Variants in ZNF257 observed in about 807,000 individuals in gnomAD.
ZNF257 encodes the protein bone marrow zinc finger 4.
ZNF257 carries 12 observed loss-of-function variants against 11.9 expected under a neutral mutation model. The observed-to-expected ratio is 1.01, with a 90% confidence interval of 0.65 to 1.63. The LOEUF is 1.63. ZNF257 is among the 40% of genes most tolerant of loss of function. ZNF257 has a pLI of 0.00. For synonymous variants in ZNF257, 183 were observed against 222.7 expected (o/e 0.82, Z 1.59); for missense variants, 580 against 665.5 (o/e 0.87, Z 1.41).
chr19:22,060,580 G>C (rs1020891648), intron 1 of ZNF257: 2 of 151,444 alleles, frequency 1.3e-5, no homozygotes, highest in Non-Finnish European at 2.9e-5. Context: ...CCGCCTCCCA[G>C]GTTCAAGCAA....
At chr19:22,062,318 G>GT (rs1410716399) in intron 1 of ZNF257, among the ~76,000 whole-genome samples, 2 of 151,260 alleles carry the variant, frequency 1.3e-5, no homozygotes, top group African/African-American at 4.9e-5. Flanking sequence ...TAGAGACGGG[G>GT]TTTCACCAAA....
chr19:22,059,116 ACT>A (rs748621291), intron 1 of ZNF257, among the ~76,000 whole-genome samples: 1 of 151,488 alleles, frequency 6.6e-6, no homozygotes, highest in Non-Finnish European at 1.5e-5. Flanking sequence ...CCTACATTGC[ACT>A]CTCTCAAACT....
At chr19:22,063,385 T>C (rs1251554085) in intron 1 of ZNF257, among the ~76,000 whole-genome samples, 1 of 152,176 alleles carries the variant, frequency 6.6e-6, no homozygotes, top group Admixed American at 6.5e-5. Flanking sequence ...TGGTTATTTT[T>C]TGCATTCTGC....
chr19:22,065,957 T>C (rs1324888530), intron 1 of ZNF257: 1 of 152,230 alleles, frequency 6.6e-6, no homozygotes, highest in African/African-American at 2.4e-5. Flanking sequence ...ACACTTTCTT[T>C]ATAATGCTCA....
chr19:22,085,318 C>T (rs190129021), intron 3 of ZNF257, among the ~76,000 whole-genome samples: 60 of 152,026 alleles, frequency 3.9e-4, no homozygotes, highest in Middle Eastern at 6.8e-3. Context: ...ATCCACCTGC[C>T]GTGGCCTCCC....
intron 1 of ZNF257, among the ~76,000 whole-genome samples, chr19:22,057,923 C>T (rs1478680230): frequency 6.6e-6 from 1 of 152,108 alleles, no homozygotes; most frequent in Non-Finnish European, 1.5e-5. Context: ...TCATGTCTGG[C>T]TAAATTTTTT....
chr19:22,090,232 T>G lies in ZNF257; in HGVS notation c.*790T>G. Reference sequence around the variant, plus strand: ...AAATGATCTTTCAGAAATATAAACCTTTAAAGTGAAGAAGAGTTCATTCTA... The same window carrying G: ...AAATGATCTTTCAGAAATATAAACCGTTAAAGTGAAGAAGAGTTCATTCTA... On this transcript the variant is annotated 3_prime_UTR_variant, in exon 4 of 4. Transcript: ENST00000594947. The G allele has an allele frequency of 6.6e-6, 1 of 152,204 alleles. No individual in the cohort carries two copies. The highest frequency in any genetic ancestry group is 1.5e-5 in the Non-Finnish European group (1 of 68,000). The allele number at this position is 152,204 out of a possible 1,614,324, so 9.4% of individuals were successfully genotyped here.
chr19:22,058,684 G>T (rs774615767), intron 1 of ZNF257, among the ~76,000 whole-genome samples: 7 of 152,094 alleles, frequency 4.6e-5, no homozygotes, highest in Non-Finnish European at 8.8e-5. Flanking sequence ...CTGTCATAGT[G>T]CCCATTGTTT....
intron 1 of ZNF257, among the ~76,000 whole-genome samples, chr19:22,057,266 CACTT>C (rs2145684251): frequency 6.6e-6 from 1 of 152,084 alleles, no homozygotes; most frequent in African/African-American, 2.4e-5. Context: ...ATTTTTTAAA[CACTT>C]AGTTTCAAAA....
chr19:22,090,023 A>G lies in ZNF257; in HGVS notation c.*581A>G, dbSNP rs2022590782. The G allele has an allele frequency of 6.5e-6, 1 of 154,670 alleles. No homozygotes were observed. The highest frequency in any genetic ancestry group is 2.4e-5 in the African/African-American group (1 of 41,430). 9.6% of individuals were successfully genotyped at this position (154,670 alleles called of 1,614,324 possible). A position where few individuals can be genotyped will look rare whatever the true frequency, so the allele number is the denominator to read the frequency against. On this transcript the variant is annotated 3_prime_UTR_variant, in exon 4 of 4. Transcript: ENST00000594947. ...GCAGGTAAAATAATTTATACCGGAGAAAACTCCAAGTGTGAAGAATATAAC... is the reference window on the plus strand; with the variant it reads ...GCAGGTAAAATAATTTATACCGGAGGAAACTCCAAGTGTGAAGAATATAAC...
chr19:22,089,786 G>T lies in ZNF257; in HGVS notation c.*344G>T. 3.2e-6 allele frequency: 1 copy of T among 312,544 alleles called. No homozygotes were observed. 19.4% of individuals were successfully genotyped at this position (312,544 alleles called of 1,614,324 possible). ...ATTTATACTGGACAGAAATCCTAAA[G>T]TGTGAAGAATGTCACAAAGCCCTTA... On this transcript the variant is annotated 3_prime_UTR_variant, in exon 4 of 4. Coordinates refer to ENST00000594947, the MANE Select transcript of ZNF257 (RefSeq NM_033468.4).
In ZNF257 at chr19:22,090,611, GAGTATAGAAAATCCAAAACTAC is replaced by G. The variant is rs1294019639; in HGVS notation, c.*1173_*1194del. 6.6e-6 allele frequency: 1 copy of G among 152,106 alleles called. No individual in the cohort carries two copies. The highest frequency in any genetic ancestry group is 1.9e-4 in the East Asian group (1 of 5,206). 9.4% of individuals were successfully genotyped at this position (152,106 alleles called of 1,614,324 possible). On this transcript the variant is annotated 3_prime_UTR_variant, in exon 4 of 4. Coordinates refer to ENST00000594947, the MANE Select transcript of ZNF257 (RefSeq NM_033468.4). ...AGACATTACACTAAATCAGATTGCT[GAGTATAGAAAATCCAAAACTAC>G]AGTTGGTAAGTAAATTAATTTTATG...
At chr19:22,052,933 G>T (rs978996997) in intron 1 of ZNF257, among the ~76,000 whole-genome samples, 1 of 152,176 alleles carries the variant, frequency 6.6e-6, no homozygotes, top group African/African-American at 2.4e-5. Context: ...GGGACCACAG[G>T]AGAGTCGTCA....
chr19:22,058,978 G>GCAA (rs1363479444), intron 1 of ZNF257, among the ~76,000 whole-genome samples: 1 of 152,014 alleles, frequency 6.6e-6, no homozygotes, highest in Non-Finnish European at 1.5e-5. Context: ...ATCTGCAGCA[G>GCAA]CAACCTGTTT....
At chr19:22,069,920 C>T (rs2022059844) in intron 1 of ZNF257, among the ~76,000 whole-genome samples, 1 of 152,082 alleles carries the variant, frequency 6.6e-6, no homozygotes, top group Non-Finnish European at 1.5e-5. Flanking sequence ...GCACAGAGAA[C>T]AAATTCTACA....
chr19:22,068,409 G>A (rs1219861646), intron 1 of ZNF257, among the ~76,000 whole-genome samples: 1 of 152,112 alleles, frequency 6.6e-6, no homozygotes, highest in African/African-American at 2.4e-5. Flanking sequence ...ACCCAAGAAT[G>A]CAGAGCCAGT....
At chr19:22,080,741 C>T (rs189037601) in intron 3 of ZNF257, among the ~76,000 whole-genome samples, 36 of 151,924 alleles carry the variant, frequency 2.4e-4, no homozygotes, top group Admixed American at 2.0e-3. Flanking sequence ...ATGTCTACAA[C>T]TATGTTGCTA....
intron 1 of ZNF257, chr19:22,060,583 T>A (rs1264801442): frequency 6.6e-6 from 1 of 151,844 alleles, no homozygotes; most frequent in Non-Finnish European, 1.5e-5. Context: ...CCTCCCAGGT[T>A]CAAGCAATTC....
rs61426953 is a variant in ZNF257 at position 22,053,366 on chromosome 19, C to CAAAAAAAA, written c.3+752_3+759dup. Among the ~76,000 whole-genome samples the CAAAAAAAA allele has an allele frequency of 2.3e-3, 175 of 76,490 alleles. 3 individuals are homozygous for CAAAAAAAA. Among genetic ancestry groups the CAAAAAAAA allele is most frequent in the African/African-American group, 6.8e-3 (166 of 24,336 alleles). The allele number at this position is 76,490 out of a possible 152,430, so 50.2% of individuals were successfully genotyped here. ...CTGAAGACAGAGCGAGACTCCGTCTCAAAAAAAAAAAAAAAAAAAAAAAAA... is the reference window on the plus strand; with the variant it reads ...CTGAAGACAGAGCGAGACTCCGTCTCAAAAAAAAAAAAAAAAAAAAAAAAAAAAAAAAA... On this transcript the variant is annotated intron_variant, in intron 1 of 3. Coordinates refer to ENST00000594947, the MANE Select transcript of ZNF257 (RefSeq NM_033468.4).
Sources: allele counts gnomAD v4.1 joint callset (sites outside exome capture counted in the v4.1 genomes callset), GRCh38; gene constraint gnomAD v4.1.1; transcripts MANE v1.5; gene names NCBI Gene and HGNC (gene_info 2026-07-23, HGNC 2026-07-21).